Variants in ACTR3B observed in about 807,000 individuals in gnomAD.
The protein encoded by ACTR3B is actin related protein 3B.
Under a neutral mutation model 59.0 loss-of-function variants are expected in ACTR3B, and 8 were observed. That is an observed-to-expected ratio of 0.14 (90% CI 0.08 to 0.24). The LOEUF is 0.24. Among genes scored for constraint, ACTR3B ranks in the 10% least tolerant of loss-of-function variants. ACTR3B has a pLI of 1.00. For synonymous variants in ACTR3B, 148 were observed against 197.9 expected (o/e 0.75, Z 2.12); for missense variants, 245 against 552.3 (o/e 0.44, Z 5.58).
chr7:152,812,796 G>A (rs1388879781), intron 4 of ACTR3B: 1 of 144,316 alleles, frequency 6.9e-6, no homozygotes, highest in Admixed American at 7.2e-5. Context: ...GGCTGAGGCT[G>A]ATTGTACTTT....
At chr7:152,831,286 A>C (rs1382838074) in intron 9 of ACTR3B, among the ~76,000 whole-genome samples, 1 of 152,238 alleles carries the variant, frequency 6.6e-6, no homozygotes, top group Non-Finnish European at 1.5e-5. Context: ...CACTGTGGCA[A>C]CATCGAGTAA....
rs1164677748 is a variant in ACTR3B, at chr7:152,812,019, C to CTTTTTTTTTTT, written c.337-2512_337-2502dup. On this transcript the variant is annotated intron_variant, in intron 4 of 11. Transcript: ENST00000256001. ...TTCTTAATTCCCAGAAAATAAAAGT[C>CTTTTTTTTTTT]TTTTTTTTTTTTTTTTTTTTTTTTT... is the stretch of plus-strand genomic sequence containing the variant. 5.7e-3 allele frequency: 134 copies of CTTTTTTTTTTT among 23,376 alleles called. 34 individuals are homozygous for CTTTTTTTTTTT. Among genetic ancestry groups the CTTTTTTTTTTT allele is most frequent in the African/African-American group, 0.012 (105 of 8,842 alleles). The allele number at this position is 23,376 out of a possible 1,614,324, so 1.4% of individuals were successfully genotyped here.
At chr7:152,792,223 G>A (rs1417311144) in intron 2 of ACTR3B, among the ~76,000 whole-genome samples, 1 of 151,946 alleles carries the variant, frequency 6.6e-6, no homozygotes, top group Non-Finnish European at 1.5e-5. Context: ...ATCTTTCCTC[G>A]ATATACATTG....
rs188510257 is a variant in ACTR3B, at chr7:152,822,474, C to T, written c.685-868C>T. 1.8e-4 allele frequency among the ~76,000 whole-genome samples: 28 copies of T among 152,384 alleles called. No individual in the cohort carries two copies. The East Asian group carries it at 2.3e-3, about 13-fold the overall frequency. On this transcript the variant is annotated intron_variant, in intron 7 of 11. Transcript: ENST00000256001. ...ACTTCGCATCCCTCAGGCTGCCTGT[C>T]GGTGCAGGGCGGGAATCGTTAGCGA...
intron 1 of ACTR3B, among the ~76,000 whole-genome samples, chr7:152,776,846 A>G (rs1250803536): frequency 6.6e-6 from 1 of 152,198 alleles, no homozygotes; most frequent in Non-Finnish European, 1.5e-5. Context: ...ACTGTTTTCA[A>G]GCACTTTCAA....
intron 9 of ACTR3B, among the ~76,000 whole-genome samples, chr7:152,843,830 A>G (rs1385847911): frequency 2.0e-5 from 3 of 152,242 alleles, no homozygotes; most frequent in African/African-American, 7.2e-5. Flanking sequence ...GTGGTAACGT[A>G]AAAGAATGTT....
intron 9 of ACTR3B, among the ~76,000 whole-genome samples, chr7:152,842,904 T>G (rs922689942): frequency 6.6e-6 from 1 of 152,220 alleles, no homozygotes; most frequent in African/African-American, 2.4e-5. Context: ...TAACCCAAAC[T>G]TGGTGTGTGG....
At chr7:152,809,312 C>G (rs2098262011) in intron 4 of ACTR3B, among the ~76,000 whole-genome samples, 1 of 151,286 alleles carries the variant, frequency 6.6e-6, no homozygotes, top group Non-Finnish European at 1.5e-5. Flanking sequence ...TTTAAAGTGC[C>G]AGGCTAGTTG....
chr7:152,837,293 G>A (rs1483164829), intron 9 of ACTR3B, among the ~76,000 whole-genome samples: 1 of 152,232 alleles, frequency 6.6e-6, no homozygotes. Flanking sequence ...AGATGAGTTG[G>A]AAAGAATACA....
chr7:152,767,492 G>A (rs1015263604), intron 1 of ACTR3B, among the ~76,000 whole-genome samples: 5 of 152,158 alleles, frequency 3.3e-5, no homozygotes, highest in East Asian at 3.9e-4. Flanking sequence ...TCCTCCAAGT[G>A]ATCTTTGTAA....
chr7:152,784,916 C>T (rs536634685), intron 2 of ACTR3B, among the ~76,000 whole-genome samples: 5 of 152,088 alleles, frequency 3.3e-5, no homozygotes, highest in Non-Finnish European at 7.4e-5. Context: ...AGGGCTTCTG[C>T]GTAGTGAATT....
At chr7:152,827,786 AG>A (rs1432197915) in intron 9 of ACTR3B, among the ~76,000 whole-genome samples, 9 of 152,230 alleles carry the variant, frequency 5.9e-5, no homozygotes, top group Non-Finnish European at 1.0e-4. Flanking sequence ...CCACGAAGAA[AG>A]GGACTTCTTT....
chr7:152,771,283 G>C (rs569978007), intron 1 of ACTR3B, among the ~76,000 whole-genome samples: 36 of 152,286 alleles, frequency 2.4e-4, no homozygotes, highest in Non-Finnish European at 4.4e-4. Context: ...AAGCCACTTT[G>C]CTCTTAAATT....
intron 8 of ACTR3B, 33 bp downstream of exon 8, chr7:152,823,548 T>G: frequency 2.5e-6 from 4 of 1,608,798 alleles, no homozygotes; most frequent in Non-Finnish European, 3.4e-6. Context: ...TGCTCAAGTG[T>G]GGGATGGAGC....
intron 4 of ACTR3B, chr7:152,811,479 C>G (rs1053969916): frequency 2.6e-5 from 4 of 152,132 alleles, no homozygotes; most frequent in African/African-American, 9.7e-5. Flanking sequence ...GTATGGCATG[C>G]TACTGTGTGA....
chr7:152,830,721 A>C (rs981695036), intron 9 of ACTR3B, among the ~76,000 whole-genome samples: 1 of 151,926 alleles, frequency 6.6e-6, no homozygotes, highest in Non-Finnish European at 1.5e-5. Context: ...GCTAATTAAA[A>C]ATTTTTTTTT....
In ACTR3B at chr7:152,779,363, C is replaced by T. The variant is rs535458403; in HGVS notation, c.45-3824C>T. The stretch of plus-strand genomic sequence containing the variant: ...CTACCCAGATCTTAAACTTGCCTTC[C>T]AGGTAAAGTAAGCCATGCTACAACT... On this transcript the variant is annotated intron_variant, in intron 1 of 11. Transcript: ENST00000256001. 7.9e-5 allele frequency among the ~76,000 whole-genome samples: 12 copies of T among 152,162 alleles called. No individual in the cohort carries two copies. In the South Asian group the frequency reaches 2.5e-3, roughly 32 times the overall value.
intron 9 of ACTR3B, among the ~76,000 whole-genome samples, chr7:152,847,588 T>C (rs1334671331): frequency 6.6e-6 from 1 of 152,070 alleles, no homozygotes; most frequent in Non-Finnish European, 1.5e-5. Context: ...GGAAAGTATA[T>C]CCAATATACA....
At chr7:152,844,021 G>A (rs1023418510) in intron 9 of ACTR3B, among the ~76,000 whole-genome samples, 5 of 152,204 alleles carry the variant, frequency 3.3e-5, no homozygotes, top group Admixed American at 2.0e-4. Context: ...TGAATAAAGA[G>A]TGTATCACTT....
Sources: gnomAD v4.1 joint callset for allele counts (sites outside exome capture counted in the v4.1 genomes callset) on GRCh38, gnomAD v4.1.1 for gene constraint, MANE v1.5 for transcripts, NCBI Gene and HGNC (gene_info 2026-07-23, HGNC 2026-07-21) for gene names.